PRKCE: variants seen among roughly 807,000 people sequenced by gnomAD.
PRKCE encodes the protein protein kinase C epsilon type.
Under a neutral mutation model 85.4 loss-of-function variants are expected in PRKCE, and 16 were observed. That is an observed-to-expected ratio of 0.19 (90% CI 0.13 to 0.28). The LOEUF is 0.28. Ranked by LOEUF, PRKCE falls within the 10% of genes least tolerant of loss-of-function variation. The pLI is 1.00. For missense variants in PRKCE, 573 were observed against 975.2 expected (o/e 0.59, Z 5.49); for synonymous variants, 388 against 371.5 (o/e 1.04, Z -0.51).
chr2:46,074,367 G>A (rs1037645139), intron 10 of PRKCE, among the ~76,000 whole-genome samples: 1 of 143,332 alleles, frequency 7.0e-6, no homozygotes, highest in Non-Finnish European at 1.5e-5. Flanking sequence ...CCCCTGGTTA[G>A]TCAGCGAGAT....
chr2:46,069,768 G>A (rs1334475019), intron 10 of PRKCE, among the ~76,000 whole-genome samples: 1 of 152,230 alleles, frequency 6.6e-6, no homozygotes, highest in Non-Finnish European at 1.5e-5. Context: ...CAACTTTGGT[G>A]TAACAGTTGG....
intron 1 of PRKCE, among the ~76,000 whole-genome samples, chr2:45,808,612 G>T (rs550543881): frequency 6.6e-6 from 1 of 152,192 alleles, no homozygotes; most frequent in Non-Finnish European, 1.5e-5. Flanking sequence ...TGCCAGGATC[G>T]GAGCCCCCTA....
chr2:46,093,088 T>C (rs1385665644), intron 11 of PRKCE, among the ~76,000 whole-genome samples: 2 of 152,232 alleles, frequency 1.3e-5, no homozygotes, highest in South Asian at 4.1e-4. Flanking sequence ...AGCATCGTTC[T>C]TAGCTGTCAG....
At chr2:45,788,474 A>C (rs563045066) in intron 1 of PRKCE, among the ~76,000 whole-genome samples, 10 of 152,106 alleles carry the variant, frequency 6.6e-5, no homozygotes, top group Non-Finnish European at 1.3e-4. Flanking sequence ...TACTTACTTC[A>C]GTTTTTCTGT....
At chr2:46,019,253 T>A (rs986196461) in intron 10 of PRKCE, among the ~76,000 whole-genome samples, 3 of 151,938 alleles carry the variant, frequency 2.0e-5, no homozygotes, top group African/African-American at 7.3e-5. Flanking sequence ...CCTGTATGAG[T>A]TTTTTTTCAG....
intron 10 of PRKCE, among the ~76,000 whole-genome samples, chr2:46,047,196 G>A (rs1275495099): frequency 6.6e-6 from 1 of 152,188 alleles, no homozygotes; most frequent in Non-Finnish European, 1.5e-5. Flanking sequence ...GCTGGGCCAG[G>A]TGAGTCAAAG....
At chr2:45,757,677 A>T in intron 1 of PRKCE, among the ~76,000 whole-genome samples, 1 of 152,162 alleles carries the variant, frequency 6.6e-6, no homozygotes, top group East Asian at 1.9e-4. Flanking sequence ...ATTAAAAAAT[A>T]ATAAATAATA....
chr2:45,826,962 C>T (rs1689988863), intron 1 of PRKCE, among the ~76,000 whole-genome samples: 1 of 152,204 alleles, frequency 6.6e-6, no homozygotes, highest in Non-Finnish European at 1.5e-5. Context: ...TTCCTGCGTC[C>T]TCATGGGTGC....
chr2:46,044,433 TTGATTCAAGTA>T (rs772028439), intron 10 of PRKCE, among the ~76,000 whole-genome samples: 3 of 152,280 alleles, frequency 2.0e-5, no homozygotes, highest in Non-Finnish European at 4.4e-5. Flanking sequence ...TTTGGGGGCT[TTGATTCAAGTA>T]TGAGCACTTA....
At chr2:45,941,435 T>C (rs1006681978) in intron 2 of PRKCE, among the ~76,000 whole-genome samples, 2 of 152,146 alleles carry the variant, frequency 1.3e-5, no homozygotes, top group African/African-American at 2.4e-5. Flanking sequence ...AAGAAACTTA[T>C]TACTCTTTGG....
chr2:45,847,568 C>T (rs1691898813), intron 2 of PRKCE, among the ~76,000 whole-genome samples: 1 of 152,044 alleles, frequency 6.6e-6, no homozygotes, highest in Non-Finnish European at 1.5e-5. Flanking sequence ...AGCAGTATTA[C>T]CTCCATGTGG....
chr2:46,095,973 G>C (rs1670644537), intron 11 of PRKCE, among the ~76,000 whole-genome samples: 1 of 152,158 alleles, frequency 6.6e-6, no homozygotes, highest in African/African-American at 2.4e-5. Flanking sequence ...AGCTCTTACT[G>C]TCCACTGGAT....
intron 10 of PRKCE, among the ~76,000 whole-genome samples, chr2:46,085,742 T>TTTTTG (rs1669557977): frequency 5.8e-5 from 1 of 17,324 alleles, no homozygotes; most frequent in African/African-American, 1.7e-4. Context: ...ATCCGTTTTT[T>TTTTTG]TTTTTTGTTT....
At chr2:45,878,943 C>T (rs562323929) in intron 2 of PRKCE, among the ~76,000 whole-genome samples, 27 of 152,152 alleles carry the variant, frequency 1.8e-4, no homozygotes, top group Non-Finnish European at 3.4e-4. Flanking sequence ...TTTAAATTGA[C>T]ATAAAATAAT....
At chr2:45,914,865 C>T (rs1346422783) in intron 2 of PRKCE, among the ~76,000 whole-genome samples, 1 of 152,152 alleles carries the variant, frequency 6.6e-6, no homozygotes, top group Non-Finnish European at 1.5e-5. Flanking sequence ...TCTTGGTTTT[C>T]CCACAAAACC....
chr2:45,855,001 A>G (rs1692563874), intron 2 of PRKCE, among the ~76,000 whole-genome samples: 1 of 152,228 alleles, frequency 6.6e-6, no homozygotes, highest in Non-Finnish European at 1.5e-5. Context: ...GGAGCTCTCC[A>G]TCTCTGGAGG....
intron 1 of PRKCE, among the ~76,000 whole-genome samples, chr2:45,738,192 C>T (rs1186621131): frequency 6.6e-6 from 1 of 152,186 alleles, no homozygotes; most frequent in South Asian, 2.1e-4. Flanking sequence ...TAATTAAAAT[C>T]ATTAATTAAC....
intron 2 of PRKCE, among the ~76,000 whole-genome samples, chr2:45,927,103 A>G (rs1698682389): frequency 6.6e-6 from 1 of 152,032 alleles, no homozygotes; most frequent in Admixed American, 6.6e-5. Flanking sequence ...TGGGACAAGG[A>G]TGGTGAGAAG....
intron 10 of PRKCE, among the ~76,000 whole-genome samples, chr2:46,036,049 C>T (rs1171778431): frequency 6.6e-6 from 1 of 152,216 alleles, no homozygotes; most frequent in Non-Finnish European, 1.5e-5. Flanking sequence ...ATTACAGTAA[C>T]ATTTAAGCAG....
Sources: gnomAD v4.1 joint callset for allele counts (sites outside exome capture counted in the v4.1 genomes callset) on GRCh38, gnomAD v4.1.1 for gene constraint, MANE v1.5 for transcripts, NCBI Gene and HGNC (gene_info 2026-07-23, HGNC 2026-07-21) for gene names.